Variants in UTRN observed in about 807,000 individuals in gnomAD.
The protein encoded by UTRN is dystrophin-related protein 1.
In UTRN, 283 loss-of-function variants were observed where a neutral mutation model predicts 463.9. The observed-to-expected ratio is 0.61, with a 90% CI of 0.55 to 0.67. UTRN has a LOEUF of 0.67. Ranked by LOEUF, UTRN falls within the 30% of genes least tolerant of loss-of-function variation. The pLI, the probability that UTRN is intolerant of heterozygous loss-of-function variation, is 0.00. For missense variants in UTRN, 3,922 were observed against 4,084.3 expected, an observed-to-expected ratio of 0.96 and a Z score of 1.08; for synonymous variants, 1,442 against 1,431.5, an observed-to-expected ratio of 1.01 and a Z score of -0.17.
chr6:144,618,206 A>G (rs1585594893), intron 51 of UTRN, among the ~76,000 whole-genome samples: 1 of 152,282 alleles, frequency 6.6e-6, no homozygotes, highest in East Asian at 1.9e-4. Context: ...TGTCATTGTC[A>G]TACATTGGAA....
intron 2 of UTRN, among the ~76,000 whole-genome samples, chr6:144,298,758 A>C (rs1424558693): frequency 6.6e-6 from 1 of 152,132 alleles, no homozygotes; most frequent in African/African-American, 2.4e-5. Context: ...ATCTTTTTTC[A>C]AAGTGTAGAG....
At chr6:144,545,557 A>ATATT (rs1798325496) in intron 46 of UTRN, among the ~76,000 whole-genome samples, 1 of 152,042 alleles carries the variant, frequency 6.6e-6, no homozygotes, top group South Asian at 2.1e-4. Flanking sequence ...TCTTCCCCAA[A>ATATT]TGTTCTTCTC....
At chr6:144,480,440 C>A (rs1791730405) in intron 26 of UTRN, among the ~76,000 whole-genome samples, 1 of 152,116 alleles carries the variant, frequency 6.6e-6, no homozygotes, top group South Asian at 2.1e-4. Flanking sequence ...CAAAAGAGAC[C>A]TCCCAAGTTG....
intron 55 of UTRN, among the ~76,000 whole-genome samples, chr6:144,750,116 G>A (rs1191041134): frequency 1.3e-5 from 2 of 152,126 alleles, no homozygotes; most frequent in African/African-American, 4.8e-5. Context: ...CTGAATCTGA[G>A]AGACCCAGAC....
chr6:144,635,514 C>CTTTTCTTTTTTTTTTTT (rs1777035213), intron 51 of UTRN, among the ~76,000 whole-genome samples: 1 of 80,012 alleles, frequency 1.2e-5, no homozygotes, highest in Non-Finnish European at 2.2e-5. Flanking sequence ...CTTTTTTTTT[C>CTTTTCTTTTTTTTTTTT]TTTTTTTTTT....
At chr6:144,488,972 T>C in intron 30 of UTRN, 138 bp downstream of exon 30, 1 of 783,048 alleles carries the variant, frequency 1.3e-6, no homozygotes, top group African/African-American at 1.8e-5. Context: ...GGGCAGCATT[T>C]GGGTTTTGGA....
chr6:144,695,889 A>C lies in UTRN; in HGVS notation c.7653-4198A>C, dbSNP rs1002580114. 8.5e-5 allele frequency among the ~76,000 whole-genome samples: 13 copies of C among 152,208 alleles called. No homozygotes were observed. In the East Asian group the frequency reaches 9.6e-4, roughly 11 times the overall value. On this transcript the variant is annotated intron_variant, in intron 52 of 74. Coordinates refer to ENST00000367545, the MANE Select transcript of UTRN (RefSeq NM_007124.3). ...GGGTTTAAATTTTCATGTTAAACTTATTTAATTTGAGATTGTCTTAATTAA... is the reference window on the plus strand; with the variant it reads ...GGGTTTAAATTTTCATGTTAAACTTCTTTAATTTGAGATTGTCTTAATTAA...
chr6:144,319,677 C>T (rs1336292014), intron 2 of UTRN, among the ~76,000 whole-genome samples: 1 of 152,152 alleles, frequency 6.6e-6, no homozygotes, highest in African/African-American at 2.4e-5. Flanking sequence ...AAATGATCCT[C>T]CCATCTCAAC....
At chr6:144,668,097 T>A (rs536911585) in intron 51 of UTRN, among the ~76,000 whole-genome samples, 12 of 152,218 alleles carry the variant, frequency 7.9e-5, no homozygotes, top group Admixed American at 2.0e-4. Flanking sequence ...TTAAACTTTG[T>A]GTTCATCTCA....
chr6:144,533,205 G>A lies in UTRN; in HGVS notation c.6178G>A (p.Gly2060Ser), dbSNP rs1316328011. 2 of 1,614,142 alleles carry A rather than the reference G, an allele frequency of 1.2e-6. No homozygotes were observed. The highest frequency in any genetic ancestry group is 1.7e-5 in the Admixed American group (1 of 60,016). ...AAGCTTCTTGAAAGAAAAACTGGCA[G>A]GTTTAAACCAACGCTGGGATGCAAT... is the stretch of plus-strand genomic sequence containing the variant. The part of the protein sequence containing the change: ...DGSFLKEKLA[G>S]LNQRWDAIVA... The change falls in exon 43 of 75, where the codon GGT (glycine) becomes AGT (serine). Residue 2060 changes from glycine to serine, a missense_variant. Gly to Ser is a moderately conservative substitution (Grantham distance 56). This residue lies in a region of UTRN where 2,349 missense variants were observed against 2,303.8 expected (regional missense o/e 1.02). Coordinates refer to ENST00000367545, the MANE Select transcript of UTRN (RefSeq NM_007124.3).
chr6:144,683,665 G>A (rs942253919), intron 52 of UTRN, among the ~76,000 whole-genome samples: 2 of 152,038 alleles, frequency 1.3e-5, no homozygotes, highest in African/African-American at 4.8e-5. Flanking sequence ...TCTAAATGTT[G>A]GGTTTCCCCT....
intron 2 of UTRN, among the ~76,000 whole-genome samples, chr6:144,372,482 A>C (rs12527489): frequency 0.055 from 8,410 of 152,150 alleles, 364 homozygotes; most frequent in Non-Finnish European, 0.082. Flanking sequence ...TAGATAAAGA[A>C]GTCTTTTTAT....
chr6:144,720,517 T>C (rs1374545949), intron 53 of UTRN, among the ~76,000 whole-genome samples: 1 of 152,246 alleles, frequency 6.6e-6, no homozygotes, highest in African/African-American at 2.4e-5. Context: ...TTAGACATTC[T>C]GTTGAGAATG....
chr6:144,370,367 G>C (rs1307055233), intron 2 of UTRN, among the ~76,000 whole-genome samples: 3 of 152,192 alleles, frequency 2.0e-5, no homozygotes, highest in Non-Finnish European at 4.4e-5. Context: ...TGATTCAAAG[G>C]GTGCAAGCCC....
chr6:144,698,701 C>A (rs962346957), intron 52 of UTRN, among the ~76,000 whole-genome samples: 6 of 152,222 alleles, frequency 3.9e-5, no homozygotes, highest in African/African-American at 1.4e-4. Flanking sequence ...GATAAGTGGG[C>A]TTTCACCAGG....
chr6:144,454,727 A>G (rs751409580), intron 19 of UTRN, among the ~76,000 whole-genome samples: 11 of 152,184 alleles, frequency 7.2e-5, no homozygotes, highest in Non-Finnish European at 1.2e-4. Context: ...TAGTTTAGTA[A>G]TTGACAATAT....
chr6:144,488,586 T>C, intron 29 of UTRN, 87 bp from the exon 30 acceptor site: 2 of 1,308,240 alleles, frequency 1.5e-6, no homozygotes, highest in South Asian at 1.9e-5. Flanking sequence ...AAAGCTTTTA[T>C]GGTCTTTTCT....
In UTRN at chr6:144,493,229, G is replaced by C. The variant is rs979300498; in HGVS notation, c.4438-72G>C. ...TGGCTGTCAATCTGTGTAAGCTGTG[G>C]TCTGACATGATGCCAGTTGGCAAGT... On this transcript the variant is annotated intron_variant, in intron 32 of 74. Transcript: ENST00000367545. 3.4e-6 allele frequency: 5 copies of C among 1,482,036 alleles called. 1 individual carries two copies. In the Admixed American group the frequency reaches 7.1e-5, roughly 21 times the overall value. 91.8% of individuals were successfully genotyped at this position (1,482,036 alleles called of 1,614,324 possible). A position where few individuals can be genotyped will look rare whatever the true frequency, so the allele number is the denominator to read the frequency against.
At chr6:144,624,392 G>T (rs1017552089) in intron 51 of UTRN, among the ~76,000 whole-genome samples, 4 of 152,148 alleles carry the variant, frequency 2.6e-5, no homozygotes, top group African/African-American at 7.2e-5. Context: ...CAGGCACGAC[G>T]ACAGTAAGAG....
Sources: allele counts gnomAD v4.1 joint callset (sites outside exome capture counted in the v4.1 genomes callset), GRCh38; gene constraint gnomAD v4.1.1; regional missense constraint gnomAD v4.1.1; transcripts MANE v1.5; gene names NCBI Gene and HGNC (gene_info 2026-07-23, HGNC 2026-07-21).